The following SLC26A5 variants were observed in gnomAD, a reference collection of about 807,000 sequenced individuals.
SLC26A5 encodes prestin.
Under a neutral mutation model 81.0 loss-of-function variants are expected in SLC26A5, and 51 were observed. The ratio of observed to expected loss-of-function variants is 0.63; its 90% confidence interval spans 0.50 to 0.80. The LOEUF (loss-of-function observed/expected upper bound fraction) is 0.80, where lower values mean the gene tolerates loss of function less well. SLC26A5 is among the 30% of genes least tolerant of loss of function. The probability of loss-of-function intolerance (pLI) is 0.00; values close to 1 mark genes in which losing one functional copy is unlikely to be tolerated. For missense variants in SLC26A5, 771 were observed against 905.8 expected (o/e 0.85, Z 1.91); for synonymous variants, 325 against 332.8 (o/e 0.98, Z 0.25).
At chr7:103,375,435 G>T (rs796476068) in intron 19 of SLC26A5, among the ~76,000 whole-genome samples, 44 of 152,182 alleles carry the variant, frequency 2.9e-4, no homozygotes, top group African/African-American at 1.0e-3. Flanking sequence ...CTCCATAGGG[G>T]CTGTTGCATT....
chr7:103,380,396 T>TA, intron 15 of SLC26A5, 84 bp downstream of exon 15: 2 of 1,144,676 alleles, frequency 1.7e-6, no homozygotes, highest in Non-Finnish European at 2.6e-6. Context: ...ATCTTACCCC[T>TA]ACTTTTTATC....
intron 19 of SLC26A5, chr7:103,368,070 A>C: frequency 5.7e-6 from 9 of 1,584,776 alleles, no homozygotes; most frequent in Non-Finnish European, 7.7e-6. Flanking sequence ...GAAGGCTTTC[A>C]AGTGAAAACT....
intron 14 of SLC26A5, among the ~76,000 whole-genome samples, chr7:103,383,528 A>G (rs767504523): frequency 3.3e-5 from 5 of 152,166 alleles, no homozygotes; most frequent in Non-Finnish European, 7.3e-5. Context: ...TAATGACACC[A>G]AGAGCAAGAA....
intron 5 of SLC26A5, 25 bp downstream of exon 5, chr7:103,412,977 T>C (rs762736244): frequency 5.6e-6 from 8 of 1,441,374 alleles, no homozygotes; most frequent in South Asian, 3.4e-5. Context: ...GGAAAGGTAA[T>C]AGAATATCAA....
At chr7:103,375,957 G>A (rs986718198) in intron 19 of SLC26A5, among the ~76,000 whole-genome samples, 4 of 150,270 alleles carry the variant, frequency 2.7e-5, no homozygotes, top group African/African-American at 9.8e-5. Context: ...GGGTTTCACC[G>A]TGTTAGCCAA....
intron 19 of SLC26A5, among the ~76,000 whole-genome samples, chr7:103,359,337 A>G (rs551005118): frequency 6.6e-6 from 1 of 151,672 alleles, no homozygotes; most frequent in African/African-American, 2.4e-5. Context: ...ACTGATATAA[A>G]ATTCAGATAT....
intron 2 of SLC26A5, among the ~76,000 whole-genome samples, chr7:103,422,785 CACA>C (rs1190224818): frequency 2.0e-5 from 3 of 152,202 alleles, no homozygotes; most frequent in African/African-American, 7.2e-5. Flanking sequence ...ATATTAAATG[CACA>C]ACAACTAAAG....
chr7:103,360,722 G>T (rs114538454), intron 19 of SLC26A5, among the ~76,000 whole-genome samples: 1,781 of 152,298 alleles, frequency 0.012, 34 homozygotes, highest in African/African-American at 0.041. Context: ...TACTATAGAA[G>T]GGGAAAGGCG....
chr7:103,374,366 GCTTATA>G lies in SLC26A5; in HGVS notation c.*27_*32del, dbSNP rs1821187476. ...GTGTAAATTATGAACTTCATGAGAG[GCTTATA>G]ACCCCATCCTAGGGTGAGGTCCTCA... On this transcript the variant is annotated 3_prime_UTR_variant, in exon 20 of 20. Coordinates refer to ENST00000306312, the MANE Select transcript of SLC26A5 (RefSeq NM_198999.3). The G allele has an allele frequency of 3.1e-6, 5 of 1,611,446 alleles. No homozygotes were observed. The East Asian group carries it at 1.1e-4, about 36-fold the overall frequency.
At chr7:103,403,165 C>T (rs1823744603) in intron 8 of SLC26A5, among the ~76,000 whole-genome samples, 1 of 152,132 alleles carries the variant, frequency 6.6e-6, no homozygotes, top group African/African-American at 2.4e-5. Flanking sequence ...TTTTCAGTTT[C>T]CATGTAGTTA....
chr7:103,410,217 T>C (rs184084654), intron 7 of SLC26A5, among the ~76,000 whole-genome samples, 168 bp downstream of exon 7: 1 of 152,328 alleles, frequency 6.6e-6, no homozygotes, highest in East Asian at 1.9e-4. Flanking sequence ...TTTAGTTCTC[T>C]TTGTAACACT....
intron 14 of SLC26A5, among the ~76,000 whole-genome samples, chr7:103,385,755 C>T (rs4523184): frequency 0.058 from 8,176 of 140,670 alleles, 797 homozygotes; most frequent in African/African-American, 0.21. Context: ...GGCTGGAGCG[C>T]AGGAGTGCCA....
chr7:103,436,370 C>G (rs1026514036), intron 2 of SLC26A5, among the ~76,000 whole-genome samples: 2 of 152,098 alleles, frequency 1.3e-5, no homozygotes, highest in Non-Finnish European at 2.9e-5. Flanking sequence ...ACTGATTTAA[C>G]AAAATCAGGC....
At chr7:103,404,966 T>C (rs1823912346) in intron 8 of SLC26A5, among the ~76,000 whole-genome samples, 1 of 152,142 alleles carries the variant, frequency 6.6e-6, no homozygotes, top group African/African-American at 2.4e-5. Flanking sequence ...CTTTCTTCTG[T>C]TTGATTTGAC....
intron 19 of SLC26A5, chr7:103,368,198 TTTC>T (rs1253995371): frequency 6.5e-6 from 5 of 765,434 alleles, no homozygotes; most frequent in Non-Finnish European, 9.9e-6. Flanking sequence ...TAAAAGGTGA[TTTC>T]TAATGTTATT....
intron 10 of SLC26A5, among the ~76,000 whole-genome samples, chr7:103,392,494 C>T (rs1218026472): frequency 6.6e-6 from 1 of 152,224 alleles, no homozygotes; most frequent in Non-Finnish European, 1.5e-5. Context: ...TAAGTACATG[C>T]TTCAGATACA....
chr7:103,438,101 T>TA (rs960908844), intron 2 of SLC26A5, among the ~76,000 whole-genome samples: 6 of 152,252 alleles, frequency 3.9e-5, no homozygotes, highest in African/African-American at 1.4e-4. Context: ...GCCACAAGGA[T>TA]ATCAAAATCC....
intron 19 of SLC26A5, among the ~76,000 whole-genome samples, chr7:103,358,167 T>G (rs1244422622): frequency 6.6e-6 from 1 of 152,196 alleles, no homozygotes; most frequent in Non-Finnish European, 1.5e-5. Flanking sequence ...CCCTTCAAAA[T>G]TTTGAAGGCG....
chr7:103,417,386 G>GA (rs1227617029), intron 4 of SLC26A5, among the ~76,000 whole-genome samples: 363 of 140,014 alleles, frequency 2.6e-3, no homozygotes, highest in African/African-American at 8.4e-3. Context: ...AAAAAAAAAA[G>GA]AAAAAAAAAT....
Sources: gnomAD v4.1 joint callset for allele counts (sites outside exome capture counted in the v4.1 genomes callset) on GRCh38, gnomAD v4.1.1 for gene constraint, MANE v1.5 for transcripts, NCBI Gene and HGNC (gene_info 2026-07-23, HGNC 2026-07-21) for gene names.